PFKFB3: variants seen among roughly 807,000 people sequenced by gnomAD.
PFKFB3 encodes the protein 6-phosphofructo-2-kinase/fructose-2,6-bisphosphatase 3.
PFKFB3 carries 33 observed loss-of-function variants against 68.0 expected under a neutral mutation model. The observed-to-expected ratio is 0.49, with a 90% CI of 0.37 to 0.65. PFKFB3 has a LOEUF of 0.65. Ranked by LOEUF, PFKFB3 falls within the 30% of genes least tolerant of loss-of-function variation. The pLI, the probability that PFKFB3 is intolerant of heterozygous loss-of-function variation, is 0.00. For synonymous variants in PFKFB3, 315 were observed against 288.2 expected (o/e 1.09, Z -0.94); for missense variants, 586 against 712.2 (o/e 0.82, Z 2.02).
chr10:6,262,278 C>T, the PFKFB3 span, among the ~76,000 whole-genome samples: 6 of 151,428 alleles, frequency 4.0e-5, no homozygotes, highest in East Asian at 3.9e-4. Flanking sequence ...CATGGTGAAA[C>T]CCTGTCTCTA....
At chr10:6,231,701 G>A in intron 14 of PFKFB3, 1 of 542,428 alleles carries the variant, frequency 1.8e-6, no homozygotes, top group Non-Finnish European at 2.4e-6. Flanking sequence ...AGGACCCAGG[G>A]CTCTCTGAAG....
intron 1 of PFKFB3, among the ~76,000 whole-genome samples, chr10:6,159,114 G>T (rs1337024582): frequency 6.6e-6 from 1 of 152,122 alleles, no homozygotes; most frequent in African/African-American, 2.4e-5. Context: ...CCCAAAACAG[G>T]CCAGGCGCTG....
chr10:6,157,430 G>A (rs758193365), intron 1 of PFKFB3, among the ~76,000 whole-genome samples: 111 of 152,204 alleles, frequency 7.3e-4, no homozygotes, highest in South Asian at 1.2e-3. Context: ...GTTTCACCGT[G>A]TTAGCCAGGA....
the PFKFB3 span, among the ~76,000 whole-genome samples, chr10:6,262,134 T>A: frequency 6.6e-6 from 1 of 151,540 alleles, no homozygotes; most frequent in Non-Finnish European, 1.5e-5. Flanking sequence ...CCTTCACATG[T>A]ACCCACAAAC....
At chr10:6,274,435 A>T in the PFKFB3 span, among the ~76,000 whole-genome samples, 1 of 152,212 alleles carries the variant, frequency 6.6e-6, no homozygotes, top group Admixed American at 6.5e-5. Flanking sequence ...CAAAATGCCA[A>T]ATATAAACAT....
the PFKFB3 span, among the ~76,000 whole-genome samples, chr10:6,271,095 A>G: frequency 6.6e-6 from 1 of 152,336 alleles, no homozygotes; most frequent in East Asian, 1.9e-4. Context: ...CCTTGCTACA[A>G]GTAATTAGTA....
intron 14 of PFKFB3, among the ~76,000 whole-genome samples, chr10:6,227,043 G>C (rs1845409695): frequency 6.6e-6 from 1 of 151,744 alleles, no homozygotes; most frequent in Admixed American, 6.6e-5. Flanking sequence ...CCGAGATGGT[G>C]CCACTGCACT....
chr10:6,148,515 C>T (rs1247897176), intron 1 of PFKFB3, among the ~76,000 whole-genome samples: 1 of 152,172 alleles, frequency 6.6e-6, no homozygotes, highest in African/African-American at 2.4e-5. Context: ...CAAGCATTGC[C>T]TTCAGGGCTC....
intron 1 of PFKFB3, among the ~76,000 whole-genome samples, chr10:6,162,966 T>C (rs1006567627): frequency 2.6e-5 from 4 of 152,226 alleles, no homozygotes; most frequent in Non-Finnish European, 5.9e-5. Context: ...GGAAACATTT[T>C]AAAATTGTAA....
rs1038476506 is a variant in PFKFB3, at chr10:6,206,922, C to T, written c.76+3586C>T. Among the ~76,000 whole-genome samples, 20 of 139,968 alleles carry T rather than the reference C, an allele frequency of 1.4e-4. No individual in the cohort carries two copies. In the East Asian group the frequency reaches 1.4e-3, roughly 10 times the overall value. 91.8% of individuals were successfully genotyped at this position (139,968 alleles called of 152,430 possible). A position where few individuals can be genotyped will look rare whatever the true frequency, so the allele number is the denominator to read the frequency against. On this transcript the variant is annotated intron_variant, in intron 1 of 14. Transcript: ENST00000379775. ...GGCTCCTCACATCCCAGACGATGGG[C>T]GGCCAGGCAGAGACACTCCTCACTT...
chr10:6,186,967 T>C (rs1842881910), intron 1 of PFKFB3, among the ~76,000 whole-genome samples: 1 of 152,138 alleles, frequency 6.6e-6, no homozygotes, highest in African/African-American at 2.4e-5. Flanking sequence ...AGAGGCTATG[T>C]TGCCTCCCTG....
chr10:6,228,750 C>T lies in PFKFB3; in HGVS notation c.1515+2385C>T, dbSNP rs536566924. ...CCCTCCCCATGAGGACCCCCCACAC[C>T]CCAAAAGAGCTCCGAGTGGAGACCC... is the stretch of plus-strand genomic sequence containing the variant. On this transcript the variant is annotated intron_variant, in intron 14 of 14. Transcript: ENST00000379775. This position sits in a 1 kb window ranked among gnomAD's most constrained non-coding sequence, Gnocchi z 4.5. Among the ~76,000 whole-genome samples the T allele has an allele frequency of 6.6e-6, 1 of 152,168 alleles. No individual in the cohort carries two copies. Among genetic ancestry groups the T allele is most frequent in the African/African-American group, 2.4e-5 (1 of 41,436 alleles).
chr10:6,209,266 C>T (rs1843998351), intron 1 of PFKFB3, among the ~76,000 whole-genome samples: 1 of 152,160 alleles, frequency 6.6e-6, no homozygotes, highest in African/African-American at 2.4e-5. Flanking sequence ...GGTCTTTACA[C>T]AGTTGTTCCT....
chr10:6,314,760 C>T, the PFKFB3 span, among the ~76,000 whole-genome samples: 7 of 152,276 alleles, frequency 4.6e-5, no homozygotes, highest in South Asian at 2.1e-4. Context: ...TAGGAACTAA[C>T]GAGCTGCCCC....
Position 6,226,172 on chromosome 10 carries a change from TTTGTC to T in PFKFB3, c.1342-17_1342-13del. On this transcript the variant is annotated splice_polypyrimidine_tract_variant and intron_variant, in intron 13 of 14. Coordinates refer to ENST00000379775, the MANE Select transcript of PFKFB3 (RefSeq NM_004566.4). The stretch of plus-strand genomic sequence containing the variant: ...CTTTGTAACTGTCGCCTTTCTCTCT[TTTGTC>T]TTTGTCTTGCTTAGGATGCAAAGAA... 1.3e-6 allele frequency: 2 copies of T among 1,543,050 alleles called. No homozygotes were observed. Among genetic ancestry groups the T allele is most frequent in the South Asian group, 1.2e-5 (1 of 83,720 alleles).
chr10:6,192,034 C>A (rs1843037538), intron 1 of PFKFB3, among the ~76,000 whole-genome samples: 1 of 151,626 alleles, frequency 6.6e-6, no homozygotes, highest in African/African-American at 2.4e-5. Context: ...TTTTAACTAT[C>A]CAGGCCCACC....
At chr10:6,207,105 G>T (rs1588476752) in intron 1 of PFKFB3, among the ~76,000 whole-genome samples, 1 of 152,228 alleles carries the variant, frequency 6.6e-6, no homozygotes, top group Non-Finnish European at 1.5e-5. Context: ...GGTGGAAGTT[G>T]TAGCGAGCCG....
the PFKFB3 span, among the ~76,000 whole-genome samples, chr10:6,266,938 A>G: frequency 6.6e-6 from 1 of 152,254 alleles, no homozygotes; most frequent in Non-Finnish European, 1.5e-5. Context: ...AGCGTAACGC[A>G]AGATTGTCTG....
intron 1 of PFKFB3, chr10:6,152,212 C>T (rs1451228854): frequency 1.3e-5 from 2 of 154,192 alleles, no homozygotes; most frequent in Admixed American, 6.6e-5. Context: ...CATCACCTCC[C>T]ACTGCAGAGC....
Sources: allele counts gnomAD v4.1 joint callset (sites outside exome capture counted in the v4.1 genomes callset), GRCh38; gene constraint gnomAD v4.1.1; non-coding constraint Gnocchi (gnomAD v3.1); transcripts MANE v1.5; gene names NCBI Gene and HGNC (gene_info 2026-07-23, HGNC 2026-07-21).